LYPD6B: variants seen among roughly 807,000 people sequenced by gnomAD.
LYPD6B encodes ly6/PLAUR domain-containing protein 6B.
A neutral mutation model predicts 22.8 loss-of-function variants in LYPD6B; 17 were observed. The observed-to-expected ratio is 0.75, with a 90% confidence interval of 0.51 to 1.12. LYPD6B has a LOEUF of 1.12. Ranked by LOEUF, LYPD6B falls within the 50% of genes most tolerant of loss-of-function variation. The pLI, the probability that LYPD6B is intolerant of heterozygous loss-of-function variation, is 0.00. For missense variants in LYPD6B, 221 were observed against 258.3 expected, an observed-to-expected ratio of 0.86 and a Z score of 0.99; for synonymous variants, 106 against 91.6, an observed-to-expected ratio of 1.16 and a Z score of -0.90.
At position 149,059,535 on chromosome 2, in the gene LYPD6B, T is replaced by G. The variant is rs75665432; in HGVS notation, c.-67+20734T>G. ...TGTTGAGCAGTTTAATTAACGTTAT[T>G]AGAAATGAAGACTTGGTTATTTTAA... On this transcript the variant is annotated intron_variant, in intron 1 of 6. Transcript: ENST00000409642. Among the ~76,000 whole-genome samples, 600 of 152,364 alleles carry G rather than the reference T, an allele frequency of 3.9e-3. 6 individuals are homozygous for G. The highest frequency in any genetic ancestry group is 0.014 in the African/African-American group (572 of 41,584).
intron 1 of LYPD6B, among the ~76,000 whole-genome samples, chr2:149,066,528 G>A (rs943229686): frequency 1.3e-5 from 2 of 151,808 alleles, no homozygotes; most frequent in Non-Finnish European, 1.5e-5. Flanking sequence ...ATGGCTGCAT[G>A]GTATTCCATG....
Position 149,158,715 on chromosome 2 carries a change from A to T in LYPD6B, c.6-2049A>T, listed in dbSNP as rs751255886. ...TTTTACCATAATAAAAAAGTTTTAAAATATTGATTCCAATGCAGAAAGCAT... is the reference window on the plus strand; with the variant it reads ...TTTTACCATAATAAAAAAGTTTTAATATATTGATTCCAATGCAGAAAGCAT... On this transcript the variant is annotated intron_variant, in intron 2 of 6. Coordinates refer to ENST00000409642, the MANE Select transcript of LYPD6B (RefSeq NM_177964.5). 4.9e-4 allele frequency among the ~76,000 whole-genome samples: 74 copies of T among 152,358 alleles called. 1 individual carries two copies. Among genetic ancestry groups the T allele is most frequent in the Non-Finnish European group, 8.2e-4 (56 of 68,036 alleles).
chr2:149,180,183 G>T (rs761918687), intron 3 of LYPD6B, among the ~76,000 whole-genome samples: 9 of 152,176 alleles, frequency 5.9e-5, no homozygotes, highest in Non-Finnish European at 1.2e-4. Flanking sequence ...TATGTGAAAA[G>T]GTGTGGGGAA....
At chr2:149,143,228 T>C (rs678915) in intron 2 of LYPD6B, among the ~76,000 whole-genome samples, 58,324 of 151,982 alleles carry the variant, frequency 0.38, 11,637 homozygotes, top group East Asian at 0.62. Context: ...TTTAACTTAA[T>C]TGGCAGCTTT....
intron 5 of LYPD6B, among the ~76,000 whole-genome samples, chr2:149,209,237 T>C (rs373427604): frequency 6.6e-5 from 10 of 152,218 alleles, no homozygotes; most frequent in African/African-American, 2.2e-4. Flanking sequence ...TTCCAAAATA[T>C]TGCTCTGGCT....
chr2:149,053,910 C>A (rs765222099), intron 1 of LYPD6B, among the ~76,000 whole-genome samples: 2 of 151,406 alleles, frequency 1.3e-5, no homozygotes, highest in African/African-American at 2.4e-5. Context: ...ATAATGGTTT[C>A]AAGGTTATAA....
chr2:149,141,948 G>A (rs531636313), intron 2 of LYPD6B: 1 of 152,330 alleles, frequency 6.6e-6, no homozygotes, highest in African/African-American at 2.4e-5. Context: ...TGCACAGTGA[G>A]TTAGTAGCTG....
chr2:149,121,467 G>T (rs1314281333), intron 1 of LYPD6B, among the ~76,000 whole-genome samples: 1 of 152,124 alleles, frequency 6.6e-6, no homozygotes. Flanking sequence ...GATGATTGTT[G>T]CAGTCCCAGC....
rs201618713 is a variant in LYPD6B, at chr2:149,143,513, C to CA, written c.5+12580dup. On this transcript the variant is annotated intron_variant, in intron 2 of 6. Coordinates refer to ENST00000409642, the MANE Select transcript of LYPD6B (RefSeq NM_177964.5). ...TGTTCTAACATTGCAACATGTGACG[C>CA]AAAAAAAAAAAAAAAAAAAATCACA... Among the ~76,000 whole-genome samples the CA allele has an allele frequency of 9.8e-3, 1,277 of 129,684 alleles. 10 individuals are homozygous for CA. The highest frequency in any genetic ancestry group is 0.023 in the African/African-American group (788 of 35,000). The allele number at this position is 129,684 out of a possible 152,430, so 85.1% of individuals were successfully genotyped here.
intron 2 of LYPD6B, among the ~76,000 whole-genome samples, chr2:149,144,799 A>G (rs1408447825): frequency 6.6e-6 from 1 of 152,236 alleles, no homozygotes; most frequent in African/African-American, 2.4e-5. Context: ...AGGAGATACT[A>G]TAGGAACAAA....
chr2:149,207,265 T>G lies in LYPD6B; in HGVS notation c.230-1049T>G, dbSNP rs148342187. 2.6e-3 allele frequency among the ~76,000 whole-genome samples: 400 copies of G among 152,292 alleles called. 2 individuals carry two copies. The highest frequency in any genetic ancestry group is 9.3e-3 in the African/African-American group (387 of 41,580). On this transcript the variant is annotated intron_variant, in intron 4 of 6. Transcript: ENST00000409642. ...TTTAGCTTTTGATATTTTGTTCTTG[T>G]TTTGTGCTACCATACATATCCTCCC...
In LYPD6B at chr2:149,187,756, G is replaced by GA. The variant is rs149137932; in HGVS notation, c.78-17493dup. On this transcript the variant is annotated intron_variant, in intron 3 of 6. Transcript: ENST00000409642. ...TAAGCTGAAAAAAAGAAGTGCAAAAGAAAATCTCAAAATGTTTTAAGAAAG... is the reference window on the plus strand; with the variant it reads ...TAAGCTGAAAAAAAGAAGTGCAAAAGAAAAATCTCAAAATGTTTTAAGAAAG... 9.7e-4 allele frequency: 402 copies of GA among 415,470 alleles called. 6 individuals are homozygous for GA. In the East Asian group the frequency reaches 0.012, roughly 12 times the overall value. 25.7% of individuals were successfully genotyped at this position (415,470 alleles called of 1,614,324 possible). A position where few individuals can be genotyped will look rare whatever the true frequency, so the allele number is the denominator to read the frequency against.
intron 1 of LYPD6B, among the ~76,000 whole-genome samples, chr2:149,043,508 C>T (rs1317732452): frequency 6.6e-6 from 1 of 152,086 alleles, no homozygotes; most frequent in Non-Finnish European, 1.5e-5. Context: ...ATTGAGTTTT[C>T]TTGTTGTTCA....
At chr2:149,122,479 G>T (rs2377507) in intron 1 of LYPD6B, among the ~76,000 whole-genome samples, 99,745 of 150,602 alleles carry the variant, frequency 0.66, 33,260 homozygotes, top group East Asian at 0.92. Context: ...TGCAGGTTTG[G>T]TACATATGTA....
intron 1 of LYPD6B, among the ~76,000 whole-genome samples, chr2:149,094,747 A>C (rs1461989356): frequency 1.3e-5 from 2 of 152,222 alleles, no homozygotes; most frequent in African/African-American, 2.4e-5. Context: ...CATCCTTGTC[A>C]ATAGATAGAT....
At chr2:149,118,192 G>C (rs1376862815) in intron 1 of LYPD6B, 1 of 152,264 alleles carries the variant, frequency 6.6e-6, no homozygotes, top group Admixed American at 6.5e-5. Context: ...TGCTGGGGCT[G>C]GGGCGGCTAC....
chr2:149,202,636 A>C (rs1048035168), intron 3 of LYPD6B, among the ~76,000 whole-genome samples: 1 of 152,150 alleles, frequency 6.6e-6, no homozygotes, highest in African/African-American at 2.4e-5. Context: ...CTCCCTCTAA[A>C]ATGCAATTTG....
chr2:149,134,548 C>T (rs1228829626), intron 2 of LYPD6B, among the ~76,000 whole-genome samples: 1 of 152,142 alleles, frequency 6.6e-6, no homozygotes, highest in Non-Finnish European at 1.5e-5. Context: ...CAATTCAGAT[C>T]GCTAGAGAGT....
chr2:149,136,587 A>C (rs955046686), intron 2 of LYPD6B, among the ~76,000 whole-genome samples: 4 of 152,220 alleles, frequency 2.6e-5, no homozygotes, highest in Admixed American at 6.5e-5. Context: ...TCATAGGCTG[A>C]AGCATTAAGT....
Sources: gnomAD v4.1 joint callset for allele counts (sites outside exome capture counted in the v4.1 genomes callset) on GRCh38, gnomAD v4.1.1 for gene constraint, MANE v1.5 for transcripts, NCBI Gene and HGNC (gene_info 2026-07-23, HGNC 2026-07-21) for gene names.